ANKRD12: variants seen among roughly 807,000 people sequenced by gnomAD.
ANKRD12 encodes ankyrin repeat domain-containing protein 12.
A neutral mutation model predicts 183.4 loss-of-function variants in ANKRD12; 85 were observed. The observed-to-expected ratio is 0.46, with a 90% CI of 0.39 to 0.56. The LOEUF is 0.56. Among genes scored for constraint, ANKRD12 ranks in the 20% least tolerant of loss-of-function variants. The pLI, the probability that ANKRD12 is intolerant of heterozygous loss-of-function variation, is 0.00. For missense variants in ANKRD12, 2,405 were observed against 2,357.1 expected (o/e 1.02, Z -0.42); for synonymous variants, 914 against 800.2 (o/e 1.14, Z -2.40).
chr18:9,173,631 G>T (rs1423327481), intron 1 of ANKRD12, among the ~76,000 whole-genome samples: 1 of 149,572 alleles, frequency 6.7e-6, no homozygotes, highest in Non-Finnish European at 1.5e-5. Flanking sequence ...GGGGGGTAGG[G>T]GGGGCAGTAC....
At chr18:9,210,916 A>G (rs796096745) in intron 5 of ANKRD12, among the ~76,000 whole-genome samples, 69 of 152,144 alleles carry the variant, frequency 4.5e-4, no homozygotes, top group African/African-American at 1.6e-3. Context: ...CACTGTATAT[A>G]TGTCTTGAAT....
intron 1 of ANKRD12, among the ~76,000 whole-genome samples, chr18:9,156,246 TA>T (rs2030442050): frequency 6.6e-6 from 1 of 152,112 alleles, no homozygotes; most frequent in Non-Finnish European, 1.5e-5. Context: ...TTAATTTTTA[TA>T]TTTTTTTTGT....
Position 9,203,890 on chromosome 18 carries a change from C to T in ANKRD12, c.236-586C>T, listed in dbSNP as rs111392849. ...GAAGTGCTGGGATTACAGGCGTGAG[C>T]CACTGTGCCCGGCCAGAATTCCATG... On this transcript the variant is annotated intron_variant, in intron 3 of 12. Transcript: ENST00000262126. Among the ~76,000 whole-genome samples the T allele has an allele frequency of 3.5e-3, 536 of 152,334 alleles. 2 individuals carry two copies. The highest frequency in any genetic ancestry group is 0.012 in the African/African-American group (498 of 41,584).
In ANKRD12 at chr18:9,189,278, G is replaced by A. The variant is rs374368021; in HGVS notation, c.88-6273G>A. Among the ~76,000 whole-genome samples the A allele has an allele frequency of 5.9e-5, 9 of 152,310 alleles. No individual in the cohort carries two copies. In the East Asian group the frequency reaches 1.2e-3, roughly 20 times the overall value. On this transcript the variant is annotated intron_variant, in intron 2 of 12. Transcript: ENST00000262126. Reference sequence around the variant, plus strand: ...TTCTGTGAAGGCTGAGAGAGGTTTGGAAGCTGCAGAAGAAAAGTCTGAAGC... The same window carrying A: ...TTCTGTGAAGGCTGAGAGAGGTTTGAAAGCTGCAGAAGAAAAGTCTGAAGC...
chr18:9,188,911 G>T (rs778031530), intron 2 of ANKRD12, among the ~76,000 whole-genome samples: 28 of 151,904 alleles, frequency 1.8e-4, no homozygotes, highest in Non-Finnish European at 3.7e-4. Flanking sequence ...CAACAATTTT[G>T]AAATTGTTGT....
chr18:9,148,288 TAAC>T (rs1452159136), intron 1 of ANKRD12, among the ~76,000 whole-genome samples: 2 of 152,068 alleles, frequency 1.3e-5, no homozygotes, highest in Admixed American at 6.6e-5. Context: ...ATACCTACCT[TAAC>T]AATTCTGGAG....
chr18:9,250,587 C>T (rs993844865), intron 8 of ANKRD12, among the ~76,000 whole-genome samples: 9 of 151,982 alleles, frequency 5.9e-5, no homozygotes, highest in East Asian at 3.9e-4. Context: ...GGTATGGTGG[C>T]GCACACCCGT....
Position 9,256,795 on chromosome 18 carries a change from G to A in ANKRD12, c.3528G>A (p.Gly1176=), listed in dbSNP as rs2038656390. The A allele has an allele frequency of 1.9e-6, 3 of 1,613,784 alleles. No individual in the cohort carries two copies. The highest frequency in any genetic ancestry group is 1.7e-5 in the Admixed American group (1 of 59,940). ...ACACCAAAAATGTAATGACTTTAGG[G>A]AAGTCATCTTTTGTTTCAGATAATA... ...SVDTKNVMTL[G]KSSFVSDNSL... Residue 1176 remains glycine, a synonymous_variant, in exon 9 of 13, where the codon GGG becomes GGA. Coordinates refer to ENST00000262126, the MANE Select transcript of ANKRD12 (RefSeq NM_015208.5).
chr18:9,214,239 T>C (rs2035966517), intron 6 of ANKRD12, among the ~76,000 whole-genome samples: 1 of 152,120 alleles, frequency 6.6e-6, no homozygotes, highest in African/African-American at 2.4e-5. Context: ...CCATAAAATA[T>C]ACACAAATCT....
chr18:9,204,798 G>A (rs966164931), intron 4 of ANKRD12, among the ~76,000 whole-genome samples: 4 of 152,168 alleles, frequency 2.6e-5, no homozygotes, highest in African/African-American at 9.7e-5. Context: ...ACAGCACAAT[G>A]TGGGGAACAC....
chr18:9,280,701 C>G (rs980045642), intron 12 of ANKRD12, among the ~76,000 whole-genome samples: 1 of 151,984 alleles, frequency 6.6e-6, no homozygotes. Flanking sequence ...AAGCAGGAGA[C>G]TCGCTTGAAC....
intron 8 of ANKRD12, among the ~76,000 whole-genome samples, chr18:9,246,680 T>C (rs1038110251): frequency 1.3e-5 from 2 of 152,238 alleles, no homozygotes; most frequent in African/African-American, 4.8e-5. Flanking sequence ...TTTATTGAAT[T>C]TGGCAGTATT....
At position 9,204,507 on chromosome 18, in the gene ANKRD12, G is replaced by T. The variant is rs778977438; in HGVS notation, c.267G>T (p.Trp89Cys). The T allele has an allele frequency of 1.0e-5, 16 of 1,603,152 alleles. No homozygotes were observed. The highest frequency in any genetic ancestry group is 2.2e-5 in the East Asian group (1 of 44,504). ...DSDPGHTSEN[W>C]GERLISSYRT... ...ATCCAGGACATACAAGTGAAAATTG[G>T]GGGGAGAGACTTATATCTTCTTACA... Residue 89 changes from tryptophan (W) to cysteine (C), a missense_variant, in exon 4 of 13, where the codon TGG (tryptophan) becomes TGT (cysteine). Trp to Cys is a radical substitution (Grantham distance 215). Around this residue, in one of 7 missense-constraint regions of ANKRD12, gnomAD observed 145 missense variants for 145.6 expected, o/e 1.00. Transcript: ENST00000262126.
At chr18:9,148,711 G>T (rs1251441861) in intron 1 of ANKRD12, among the ~76,000 whole-genome samples, 2 of 152,048 alleles carry the variant, frequency 1.3e-5, no homozygotes, top group Non-Finnish European at 2.9e-5. Context: ...CCACAATCTG[G>T]TCATTGTGCT....
At chr18:9,210,468 CCCAG>C (rs2035731775) in intron 5 of ANKRD12, among the ~76,000 whole-genome samples, 1 of 151,796 alleles carries the variant, frequency 6.6e-6, no homozygotes, top group African/African-American at 2.4e-5. Context: ...AGCCTGTAAT[CCCAG>C]CACTTTGGGA....
intron 1 of ANKRD12, among the ~76,000 whole-genome samples, chr18:9,144,448 T>C (rs1267921670): frequency 6.6e-6 from 1 of 152,182 alleles, no homozygotes; most frequent in Non-Finnish European, 1.5e-5. Context: ...ATTATTCCAT[T>C]CACACTCCTA....
chr18:9,172,051 A>G (rs1224009880), intron 1 of ANKRD12, among the ~76,000 whole-genome samples: 1 of 151,502 alleles, frequency 6.6e-6, no homozygotes, highest in East Asian at 1.9e-4. Flanking sequence ...CGAATGTTGA[A>G]TATTGGTCCC....
At chr18:9,273,861 T>C (rs1453993797) in intron 10 of ANKRD12, among the ~76,000 whole-genome samples, 3 of 152,190 alleles carry the variant, frequency 2.0e-5, no homozygotes, top group African/African-American at 7.2e-5. Flanking sequence ...AGTGATTTTA[T>C]CTTACTTCAT....
At position 9,255,797 on chromosome 18, in the gene ANKRD12, G is replaced by T. The variant is rs2038575605; in HGVS notation, c.2530G>T (p.Glu844Ter). The T allele has an allele frequency of 6.4e-7, 1 of 1,573,058 alleles. No homozygotes were observed. The highest frequency in any genetic ancestry group is 8.6e-7 in the Non-Finnish European group (1 of 1,168,738). Residue 844 changes from glutamate to a stop codon, truncating the protein, a stop_gained, in exon 9 of 13, where the codon GAA becomes TAA. Coordinates refer to ENST00000262126, the MANE Select transcript of ANKRD12 (RefSeq NM_015208.5). LOFTEE classifies it high-confidence loss of function. ...GATGGAAAGAAAAACCTTTGAAAAA[G>T]AAAAGAAGATAAAACATGAGCATAA... ...EKMERKTFEKEKKIKHEHKSE... is the reference protein window; with the variant it reads ...EKMERKTFEK
Sources: allele counts gnomAD v4.1 joint callset (sites outside exome capture counted in the v4.1 genomes callset), GRCh38; gene constraint gnomAD v4.1.1; regional missense constraint gnomAD v4.1.1; transcripts MANE v1.5; gene names NCBI Gene and HGNC (gene_info 2026-07-23, HGNC 2026-07-21).